GPC5: variants seen among roughly 807,000 people sequenced by gnomAD.
GPC5 encodes glypican 5.
Under a neutral mutation model 53.9 loss-of-function variants are expected in GPC5, and 47 were observed. The ratio of observed to expected loss-of-function variants is 0.87; its 90% confidence interval spans 0.69 to 1.11. GPC5 has a LOEUF of 1.11. Ranked by LOEUF, GPC5 falls within the 50% of genes most tolerant of loss-of-function variation. The probability of loss-of-function intolerance (pLI) is 0.00; values close to 1 mark genes in which losing one functional copy is unlikely to be tolerated. For synonymous variants in GPC5, 286 were observed against 263.3 expected, an observed-to-expected ratio of 1.09 and a Z score of -0.84; for missense variants, 748 against 713.1, an observed-to-expected ratio of 1.05 and a Z score of -0.56.
rs149885689 is a variant in GPC5 at position 92,650,319 on chromosome 13, T to C, written c.1562-215963T>C. The stretch of plus-strand genomic sequence containing the variant: ...TCCATTTGATATCTTACAAATATAA[T>C]CATATAAGGAAAGTCCCTTCACACA... On this transcript the variant is annotated intron_variant, in intron 7 of 7. Coordinates refer to ENST00000377067, the MANE Select transcript of GPC5 (RefSeq NM_004466.6). Among the ~76,000 whole-genome samples, 253 of 152,196 alleles carry C rather than the reference T, an allele frequency of 1.7e-3. 1 individual carries two copies. The highest frequency in any genetic ancestry group is 6.6e-3 in the South Asian group (32 of 4,828).
chr13:92,139,684 A>AAAAAC (rs1420046046), intron 6 of GPC5, among the ~76,000 whole-genome samples: 1 of 149,724 alleles, frequency 6.7e-6, no homozygotes, highest in Non-Finnish European at 1.5e-5. Flanking sequence ...AAAAAAAAAA[A>AAAAAC]AGTGTTATAT....
At chr13:92,291,698 A>C (rs9516049) in intron 7 of GPC5, among the ~76,000 whole-genome samples, 2 of 152,092 alleles carry the variant, frequency 1.3e-5, no homozygotes, top group African/African-American at 4.8e-5. Context: ...TTTGCAATAA[A>C]TCTTGCTGCT....
At chr13:92,737,668 G>A (rs1003872393) in intron 7 of GPC5, among the ~76,000 whole-genome samples, 1 of 150,594 alleles carries the variant, frequency 6.6e-6, no homozygotes, top group Admixed American at 6.6e-5. Context: ...TAATACTCAA[G>A]AATAAATACA....
At chr13:92,214,208 C>T (rs2042394809) in intron 7 of GPC5, among the ~76,000 whole-genome samples, 1 of 152,148 alleles carries the variant, frequency 6.6e-6, no homozygotes, top group African/African-American at 2.4e-5. Context: ...TTTTTCTATA[C>T]TGCCTTACTT....
intron 7 of GPC5, among the ~76,000 whole-genome samples, chr13:92,610,030 C>CAAAAAAAA (rs56913637): frequency 1.8e-4 from 13 of 70,806 alleles, no homozygotes; most frequent in South Asian, 7.4e-4. Flanking sequence ...GACTCCATCT[C>CAAAAAAAA]AAAAAAAAAA....
intron 2 of GPC5, among the ~76,000 whole-genome samples, chr13:91,677,545 T>C (rs1316535580): frequency 6.6e-6 from 1 of 152,158 alleles, no homozygotes; most frequent in African/African-American, 2.4e-5. Flanking sequence ...TATGGGGGCA[T>C]TTGGCAGATG....
At chr13:91,889,109 G>C (rs1416864024) in intron 5 of GPC5, among the ~76,000 whole-genome samples, 1 of 152,118 alleles carries the variant, frequency 6.6e-6, no homozygotes, top group African/African-American at 2.4e-5. Context: ...ACATCTATTT[G>C]TTTGTTTGTT....
chr13:91,402,868 G>A (rs1233728215), intron 1 of GPC5, among the ~76,000 whole-genome samples: 6 of 152,198 alleles, frequency 3.9e-5, no homozygotes, highest in Admixed American at 1.3e-4. Context: ...AGTGATATCC[G>A]TTACATTATG....
At chr13:92,733,976 G>T (rs1361282486) in intron 7 of GPC5, among the ~76,000 whole-genome samples, 1 of 151,768 alleles carries the variant, frequency 6.6e-6, no homozygotes, top group Non-Finnish European at 1.5e-5. Flanking sequence ...TTAAATGTCT[G>T]AGATGCTCTT....
At chr13:92,478,754 C>G (rs1242393431) in intron 7 of GPC5, among the ~76,000 whole-genome samples, 1 of 152,178 alleles carries the variant, frequency 6.6e-6, no homozygotes, top group African/African-American at 2.4e-5. Context: ...AGTCCCACCG[C>G]AGGGCTTGAA....
At chr13:91,611,926 G>A (rs1290890073) in intron 2 of GPC5, among the ~76,000 whole-genome samples, 2 of 152,106 alleles carry the variant, frequency 1.3e-5, no homozygotes, top group Non-Finnish European at 2.9e-5. Context: ...TCCTTGTGTT[G>A]TCTGCAGCTG....
At chr13:91,725,246 A>G (rs1295589175) in intron 3 of GPC5, 1 of 152,222 alleles carries the variant, frequency 6.6e-6, no homozygotes, top group African/African-American at 2.4e-5. Context: ...TAGGGAGGAA[A>G]ACAATTTTTT....
chr13:91,604,315 G>C (rs61966890), intron 2 of GPC5, among the ~76,000 whole-genome samples: 1 of 146,116 alleles, frequency 6.8e-6, no homozygotes, highest in Non-Finnish European at 1.5e-5. Flanking sequence ...GTATTCCATG[G>C]TGTATATGTG....
At chr13:92,528,122 A>G (rs1405250078) in intron 7 of GPC5, among the ~76,000 whole-genome samples, 1 of 152,118 alleles carries the variant, frequency 6.6e-6, no homozygotes, top group East Asian at 1.9e-4. Context: ...AAAATATCCA[A>G]TAAAGGCAGT....
chr13:92,218,369 A>G (rs1390626580), intron 7 of GPC5, among the ~76,000 whole-genome samples: 1 of 152,068 alleles, frequency 6.6e-6, no homozygotes. Context: ...TTCTTCATTC[A>G]CTTCCATCTA....
intron 7 of GPC5, among the ~76,000 whole-genome samples, chr13:92,849,561 A>G (rs1277810862): frequency 6.6e-6 from 1 of 152,160 alleles, no homozygotes; most frequent in Admixed American, 6.6e-5. Flanking sequence ...GTTAATTTTT[A>G]CCTTTCACTG....
chr13:91,480,160 G>A (rs1883222556), intron 2 of GPC5, among the ~76,000 whole-genome samples: 1 of 152,178 alleles, frequency 6.6e-6, no homozygotes, highest in Middle Eastern at 3.2e-3. Context: ...ATGTAGTTCA[G>A]TTAGGCAGAC....
chr13:91,958,162 T>C (rs984818229), intron 6 of GPC5, among the ~76,000 whole-genome samples: 3 of 147,136 alleles, frequency 2.0e-5, no homozygotes, highest in African/African-American at 5.0e-5. Context: ...AAGACACATA[T>C]AGACTGAAAG....
At chr13:92,183,564 A>G (rs1277047690) in intron 7 of GPC5, among the ~76,000 whole-genome samples, 1 of 152,178 alleles carries the variant, frequency 6.6e-6, no homozygotes, top group Non-Finnish European at 1.5e-5. Context: ...TATAGTTAGC[A>G]ATTTTGAGTC....
Sources: gnomAD v4.1 joint callset for allele counts (sites outside exome capture counted in the v4.1 genomes callset) on GRCh38, gnomAD v4.1.1 for gene constraint, MANE v1.5 for transcripts, NCBI Gene and HGNC (gene_info 2026-07-23, HGNC 2026-07-21) for gene names.